NCOA1: variants seen among roughly 807,000 people sequenced by gnomAD.
The protein encoded by NCOA1 is nuclear receptor coactivator 1, also known as Hin-2 protein.
In NCOA1, 35 loss-of-function variants were observed where a neutral mutation model predicts 150.9. The ratio of observed to expected loss-of-function variants is 0.23; its 90% CI spans 0.18 to 0.31. NCOA1 has a LOEUF of 0.31. NCOA1 is among the 10% of genes least tolerant of loss of function. The pLI is 1.00. For synonymous variants in NCOA1, 590 were observed against 630.0 expected, an observed-to-expected ratio of 0.94 and a Z score of 0.95; for missense variants, 1,491 against 1,749.3, an observed-to-expected ratio of 0.85 and a Z score of 2.63.
At chr2:24,708,527 TG>T (rs1408163850) in intron 13 of NCOA1, among the ~76,000 whole-genome samples, 5 of 152,228 alleles carry the variant, frequency 3.3e-5, no homozygotes, top group Admixed American at 2.6e-4. Flanking sequence ...GGGGTGAAAG[TG>T]GTGTAAAAGT....
chr2:24,533,208 G>A (rs911685750), intron 1 of NCOA1, among the ~76,000 whole-genome samples: 2 of 152,062 alleles, frequency 1.3e-5, no homozygotes, highest in African/African-American at 4.8e-5. Flanking sequence ...TATTCTCTTT[G>A]TAGCAATTGT....
intron 9 of NCOA1, among the ~76,000 whole-genome samples, chr2:24,692,706 A>G (rs1011360029): frequency 6.6e-6 from 1 of 152,226 alleles, no homozygotes; most frequent in Non-Finnish European, 1.5e-5. Context: ...CCTCTGGTAT[A>G]TATAAGAGCA....
At chr2:24,715,202 G>C (rs1344822546) in intron 14 of NCOA1, among the ~76,000 whole-genome samples, 1 of 152,018 alleles carries the variant, frequency 6.6e-6, no homozygotes, top group African/African-American at 2.4e-5. Flanking sequence ...CTAACCTACA[G>C]AAAATAATAA....
intron 3 of NCOA1, among the ~76,000 whole-genome samples, chr2:24,593,445 G>A (rs1667741142): frequency 6.6e-6 from 1 of 152,056 alleles, no homozygotes; most frequent in South Asian, 2.1e-4. Flanking sequence ...TTTCTTTATC[G>A]AAAGTCTAAA....
chr2:24,557,167 G>A (rs1371238943), intron 1 of NCOA1, among the ~76,000 whole-genome samples: 2 of 45,146 alleles, frequency 4.4e-5, no homozygotes, highest in African/African-American at 7.8e-5. Flanking sequence ...GGTAGCAACG[G>A]TGGGTTGGGG....
At chr2:24,701,506 C>CAAA (rs577569400) in intron 11 of NCOA1, among the ~76,000 whole-genome samples, 3 of 78,320 alleles carry the variant, frequency 3.8e-5, no homozygotes, top group African/African-American at 1.1e-4. Flanking sequence ...GACACTGTCT[C>CAAA]AAAAAAAAAA....
intron 6 of NCOA1, among the ~76,000 whole-genome samples, chr2:24,672,238 G>A (rs1671721984): frequency 6.6e-6 from 1 of 152,058 alleles, no homozygotes; most frequent in South Asian, 2.1e-4. Flanking sequence ...TGAAAAAAGG[G>A]ACAGAGGAGG....
intron 5 of NCOA1, among the ~76,000 whole-genome samples, chr2:24,661,267 C>T (rs1444011794): frequency 6.6e-6 from 1 of 152,132 alleles, no homozygotes; most frequent in Non-Finnish European, 1.5e-5. Flanking sequence ...ATTAGATAAA[C>T]TGATCACCTT....
In NCOA1 at chr2:24,625,315, G is replaced by A. The variant is rs115471476; in HGVS notation, c.-174-18651G>A. On this transcript the variant is annotated intron_variant, in intron 3 of 22. Coordinates refer to ENST00000348332, the MANE Select transcript of NCOA1 (RefSeq NM_003743.5). ...CAGGAGGTGGGAGTAGCAGTGAGCC[G>A]AGATTGCACACTGTACTCCAGCCTG... Among the ~76,000 whole-genome samples the A allele has an allele frequency of 1.3e-3, 192 of 144,186 alleles. 3 individuals are homozygous for A. The highest frequency in any genetic ancestry group is 3.9e-3 in the African/African-American group (153 of 38,870). The allele number at this position is 144,186 out of a possible 152,430, so 94.6% of individuals were successfully genotyped here.
At chr2:24,507,529 T>C (rs1663756284) in intron 1 of NCOA1, among the ~76,000 whole-genome samples, 1 of 151,596 alleles carries the variant, frequency 6.6e-6, no homozygotes, top group Non-Finnish European at 1.5e-5. Flanking sequence ...TGTATAATTA[T>C]CAAATCAGGA....
intron 3 of NCOA1, among the ~76,000 whole-genome samples, chr2:24,635,121 T>C (rs1358483078): frequency 2.0e-5 from 3 of 152,218 alleles, no homozygotes; most frequent in African/African-American, 7.2e-5. Flanking sequence ...ATAAGCTTAC[T>C]GATTCCATAA....
At chr2:24,539,151 T>TG (rs113777696) in intron 1 of NCOA1, among the ~76,000 whole-genome samples, 3 of 152,008 alleles carry the variant, frequency 2.0e-5, no homozygotes, top group South Asian at 2.1e-4. Flanking sequence ...ATTTAAGAGA[T>TG]GGGGGTCTCA....
rs758155027 is a variant in NCOA1 at position 24,752,007 on chromosome 2, C to A, written c.3732C>A (p.Asn1244Lys). The change falls in exon 20 of 23, where the codon AAC becomes AAA. Residue 1244 changes from asparagine (N) to lysine (K), a missense_variant. Asn to Lys is a moderately conservative substitution (Grantham distance 94). Coordinates refer to ENST00000348332, the MANE Select transcript of NCOA1 (RefSeq NM_003743.5). Reference protein sequence around the residue: ...GAGMVPQGEANFAPSLSPGSS... With the variant: ...GAGMVPQGEAKFAPSLSPGSS... The stretch of plus-strand genomic sequence containing the variant: ...GAATGGTTCCCCAAGGTGAGGCCAA[C>A]TTTGCTCCATCTCTAAGCCCTGGGA... 6.2e-7 allele frequency: 1 copy of A among 1,613,416 alleles called. No homozygotes were observed. The highest frequency in any genetic ancestry group is 8.5e-7 in the Non-Finnish European group (1 of 1,179,634).
intron 7 of NCOA1, 30 bp from the exon 8 acceptor site, chr2:24,682,914 TCAACCTC>T: frequency 1.3e-6 from 2 of 1,533,470 alleles, no homozygotes; most frequent in Non-Finnish European, 8.7e-7. Flanking sequence ...CTTTTATCTT[TCAACCTC>T]CAAACCATTT....
intron 6 of NCOA1, among the ~76,000 whole-genome samples, chr2:24,666,453 A>G (rs1010254083): frequency 3.3e-5 from 5 of 152,144 alleles, no homozygotes; most frequent in Non-Finnish European, 7.4e-5. Context: ...TAACTCAAAA[A>G]CTGGTTGCTT....
At chr2:24,510,369 C>T (rs185470303) in intron 1 of NCOA1, among the ~76,000 whole-genome samples, 117 of 152,128 alleles carry the variant, frequency 7.7e-4, no homozygotes, top group Admixed American at 1.7e-3. Flanking sequence ...TTAAAGGAGA[C>T]GGGGTCTTGC....
At chr2:24,667,271 C>G (rs540198902) in intron 6 of NCOA1, among the ~76,000 whole-genome samples, 2 of 152,282 alleles carry the variant, frequency 1.3e-5, no homozygotes, top group South Asian at 2.1e-4. Context: ...CACTAACAGC[C>G]TGGCTCCTAC....
At chr2:24,529,036 G>T (rs1019319289) in intron 1 of NCOA1, among the ~76,000 whole-genome samples, 1 of 152,066 alleles carries the variant, frequency 6.6e-6, no homozygotes, top group African/African-American at 2.4e-5. Context: ...ACAGGCGCCC[G>T]CCACCACGCC....
chr2:24,617,150 G>A (rs549577540), intron 3 of NCOA1, among the ~76,000 whole-genome samples: 2 of 152,254 alleles, frequency 1.3e-5, no homozygotes, highest in South Asian at 4.1e-4. Flanking sequence ...GAACATAAAA[G>A]CATGTTGCTC....
Sources: allele counts gnomAD v4.1 joint callset (sites outside exome capture counted in the v4.1 genomes callset), GRCh38; gene constraint gnomAD v4.1.1; transcripts MANE v1.5; gene names NCBI Gene and HGNC (gene_info 2026-07-23, HGNC 2026-07-21).